Variants in TSEN2 observed in about 807,000 individuals in gnomAD.
TSEN2 encodes the protein tRNA-splicing endonuclease subunit Sen2.
Under a neutral mutation model 59.2 loss-of-function variants are expected in TSEN2, and 54 were observed. That is an observed-to-expected ratio of 0.91 (90% CI 0.73 to 1.14). The LOEUF (loss-of-function observed/expected upper bound fraction) is 1.14. Among genes scored for constraint, TSEN2 ranks in the 50% most tolerant of loss-of-function variants. The pLI is 0.00. For synonymous variants in TSEN2, 195 were observed against 198.2 expected (o/e 0.98, Z 0.14); for missense variants, 636 against 576.2 (o/e 1.10, Z -1.06).
chr3:12,537,119 AC>A (rs2057689684), downstream of TSEN2, among the ~76,000 whole-genome samples: 2 of 152,078 alleles, frequency 1.3e-5, no homozygotes, highest in African/African-American at 4.8e-5. Flanking sequence ...AGAAATGGGG[AC>A]CATCTAAAGC....
In TSEN2 at chr3:12,519,174, G is replaced by A. The variant is rs766777732; in HGVS notation, c.1076G>A (p.Gly359Glu). 1 of 1,614,220 alleles carries A rather than the reference G, an allele frequency of 6.2e-7. No individual in the cohort carries two copies. The highest frequency in any genetic ancestry group is 8.5e-7 in the Non-Finnish European group (1 of 1,180,052). Residue 359 changes from glycine to glutamate, a missense_variant, in exon 8 of 12, where the codon GGA becomes GAA. Gly to Glu is a moderately conservative substitution (Grantham distance 98, BLOSUM62 -2). Transcript: ENST00000284995. ...AGCAAGGGCTGGGTGCCCAAAGTGGGACTCAAGTACGGGACAGATTTACGT... is the reference window on the plus strand; with the variant it reads ...AGCAAGGGCTGGGTGCCCAAAGTGGAACTCAAGTACGGGACAGATTTACGT... ...FRSKGWVPKVGLKYGTDLLLY... is the reference protein window; with the variant it reads ...FRSKGWVPKVELKYGTDLLLY...
chr3:12,499,941 G>T (rs2054130711), intron 4 of TSEN2, among the ~76,000 whole-genome samples: 1 of 152,156 alleles, frequency 6.6e-6, no homozygotes, highest in African/African-American at 2.4e-5. Flanking sequence ...AGTGATAAAG[G>T]GGCATTCATC....
chr3:12,487,131 G>A (rs1057264771), intron 1 of TSEN2, among the ~76,000 whole-genome samples: 4 of 152,188 alleles, frequency 2.6e-5, no homozygotes, highest in African/African-American at 9.7e-5. Context: ...AGTCCTGTTC[G>A]ATTTGAAGAT....
upstream of TSEN2, among the ~76,000 whole-genome samples, chr3:12,483,808 A>G (rs1468542205): frequency 6.6e-6 from 1 of 152,142 alleles, no homozygotes; most frequent in Non-Finnish European, 1.5e-5. Flanking sequence ...AGAAACTTAC[A>G]CTTCCTATTG....
At chr3:12,507,014 G>C (rs1559315221) in intron 6 of TSEN2, among the ~76,000 whole-genome samples, 1 of 152,086 alleles carries the variant, frequency 6.6e-6, no homozygotes, top group African/African-American at 2.4e-5. Context: ...CTAACATGGT[G>C]AAACCCCATC....
chr3:12,492,367 C>G (rs1261405819), intron 3 of TSEN2, 150 bp downstream of exon 3: 1 of 673,612 alleles, frequency 1.5e-6, no homozygotes, highest in African/African-American at 1.8e-5. Flanking sequence ...TAATTCTAAT[C>G]AAAGCAAAAG....
chr3:12,513,255 CAAGA>C (rs1330525474), intron 6 of TSEN2, among the ~76,000 whole-genome samples: 1 of 152,148 alleles, frequency 6.6e-6, no homozygotes, highest in Non-Finnish European at 1.5e-5. Flanking sequence ...TAGCAGATAT[CAAGA>C]AAGAATCTCT....
chr3:12,529,875 T>C lies in TSEN2; in HGVS notation c.1248+2T>C. 1 of 1,613,906 alleles carries C rather than the reference T, an allele frequency of 6.2e-7. No individual in the cohort carries two copies. The highest frequency in any genetic ancestry group is 8.5e-7 in the Non-Finnish European group (1 of 1,179,968). On this transcript the variant is annotated splice_donor_variant, in intron 10 of 11. Coordinates refer to ENST00000284995, the MANE Select transcript of TSEN2 (RefSeq NM_025265.4). LOFTEE classifies it high-confidence loss of function. ...AGAGTTTCCGTTAATGTCTCTAAGG[T>C]AACACAACATCAGCTTTGCCATTGG...
intron 8 of TSEN2, among the ~76,000 whole-genome samples, chr3:12,526,993 G>A (rs1425256563): frequency 5.9e-5 from 9 of 152,194 alleles, no homozygotes; most frequent in African/African-American, 1.4e-4. Context: ...GGAAACGGAG[G>A]CTCAGGGAAG....
At chr3:12,520,816 C>T (rs551471551) in intron 8 of TSEN2, among the ~76,000 whole-genome samples, 105 of 152,120 alleles carry the variant, frequency 6.9e-4, no homozygotes, top group African/African-American at 2.4e-3. Flanking sequence ...TTCAAGGGTA[C>T]ATGTGCAGGT....
intron 1 of TSEN2, among the ~76,000 whole-genome samples, chr3:12,485,210 G>C (rs1455177208): frequency 6.6e-6 from 1 of 152,184 alleles, no homozygotes; most frequent in African/African-American, 2.4e-5. Context: ...TGCTGGGTAG[G>C]AGGTTTTTTA....
chr3:12,511,097 C>T (rs941047738), intron 6 of TSEN2: 5 of 152,136 alleles, frequency 3.3e-5, no homozygotes, highest in Admixed American at 3.3e-4. Context: ...TTGTTTTAAG[C>T]CTACAGCATC....
chr3:12,510,937 A>G (rs2055380878), intron 6 of TSEN2, among the ~76,000 whole-genome samples: 1 of 152,188 alleles, frequency 6.6e-6, no homozygotes, highest in East Asian at 1.9e-4. Context: ...ATTTCTCTCT[A>G]TAAATATATT....
At chr3:12,527,613 T>C (rs758286879) in intron 8 of TSEN2, among the ~76,000 whole-genome samples, 20 of 152,180 alleles carry the variant, frequency 1.3e-4, no homozygotes, top group Non-Finnish European at 1.9e-4. Context: ...TGTAATTGTG[T>C]CGTTATGGCA....
At chr3:12,505,049 G>T (rs1039834324) in intron 5 of TSEN2, 105 bp from the exon 6 acceptor site, 2 of 762,078 alleles carry the variant, frequency 2.6e-6, no homozygotes, top group Admixed American at 4.1e-5. Context: ...ACAATAGAAT[G>T]TGAATCCTGG....
intron 3 of TSEN2, among the ~76,000 whole-genome samples, chr3:12,494,556 A>G (rs1293850035): frequency 6.6e-6 from 1 of 151,896 alleles, no homozygotes; most frequent in East Asian, 2.0e-4. Flanking sequence ...GTATCCCACC[A>G]TGCCCGGCTA....
chr3:12,502,473 T>A (rs1013601472), intron 4 of TSEN2, among the ~76,000 whole-genome samples: 5 of 151,802 alleles, frequency 3.3e-5, no homozygotes, highest in African/African-American at 1.2e-4. Context: ...GAGGCAGAGG[T>A]TACAGTGAGC....
At chr3:12,497,214 C>A (rs976383358) in intron 4 of TSEN2, among the ~76,000 whole-genome samples, 2 of 152,130 alleles carry the variant, frequency 1.3e-5, no homozygotes, top group African/African-American at 2.4e-5. Context: ...CTTCTCCTCT[C>A]TGCAGTGCCA....
intron 8 of TSEN2, among the ~76,000 whole-genome samples, chr3:12,523,357 T>C (rs966137536): frequency 6.6e-6 from 1 of 151,798 alleles, no homozygotes; most frequent in Non-Finnish European, 1.5e-5. Flanking sequence ...GTGGGAGCCA[T>C]TGAAAGCTAG....
Sources: gnomAD v4.1 joint callset for allele counts (sites outside exome capture counted in the v4.1 genomes callset) on GRCh38, gnomAD v4.1.1 for gene constraint, MANE v1.5 for transcripts, NCBI Gene and HGNC (gene_info 2026-07-23, HGNC 2026-07-21) for gene names.